Variants in JAKMIP1 observed in about 807,000 individuals in gnomAD.
JAKMIP1 encodes janus kinase and microtubule-interacting protein 1.
JAKMIP1 carries 33 observed loss-of-function variants against 113.0 expected under a neutral mutation model. The observed-to-expected ratio is 0.29, with a 90% CI of 0.22 to 0.39. The LOEUF (loss-of-function observed/expected upper bound fraction) is 0.39, where lower values mean the gene tolerates loss of function less well. Ranked by LOEUF, JAKMIP1 falls within the 10% of genes least tolerant of loss-of-function variation. The probability of loss-of-function intolerance (pLI) is 1.00; values close to 1 mark genes in which losing one functional copy is unlikely to be tolerated. For synonymous variants in JAKMIP1, 480 were observed against 459.9 expected (o/e 1.04, Z -0.56); for missense variants, 813 against 1,080.5 (o/e 0.75, Z 3.47).
Position 6,167,684 on chromosome 4 carries a change from C to A in JAKMIP1, c.-148+32569G>T, listed in dbSNP as rs542834399. ...GCCGGGCACTGAGCTTAGAGTGACA[C>A]GTGTCAGCTCCCTCCACCCCACCAT... On this transcript the variant is annotated intron_variant, in intron 1 of 20. Transcript: ENST00000409021. The surrounding 1 kb of genome is among the most constrained non-coding windows in gnomAD (Gnocchi z 5.3). Among the ~76,000 whole-genome samples, 1 of 152,192 alleles carries A rather than the reference C, an allele frequency of 6.6e-6. No individual in the cohort carries two copies. The highest frequency in any genetic ancestry group is 1.5e-5 in the Non-Finnish European group (1 of 68,028).
At position 6,067,713 on chromosome 4, in the gene JAKMIP1, C is replaced by T. The variant is rs1251302442; in HGVS notation, c.1303-2705G>A. 6.8e-6 allele frequency among the ~76,000 whole-genome samples: 1 copy of T among 148,018 alleles called. No individual in the cohort carries two copies. The highest frequency in any genetic ancestry group is 1.5e-5 in the Non-Finnish European group (1 of 67,212). ...GCTCTTCTGCACACACAGGTCACCC[C>T]CCTGAGCTCCACGTTCACTCAAGCT... On this transcript the variant is annotated intron_variant, in intron 8 of 20. Transcript: ENST00000409021. This position sits in a 1 kb window ranked among gnomAD's most constrained non-coding sequence, Gnocchi z 4.6.
chr4:6,032,660 CACAAAACAAAACAAA>C lies in JAKMIP1; in HGVS notation c.2380-2894_2380-2880del, dbSNP rs10572045. On this transcript the variant is annotated intron_variant, in intron 19 of 20. Coordinates refer to ENST00000409021, the MANE Select transcript of JAKMIP1 (RefSeq NM_001099433.2). Reference sequence around the variant, plus strand: ...GTACACGAATGTTAGAACAACACAACACAAAACAAAACAAAACAAAACAAAACAAAACAAAACAAA... The same window carrying C: ...GTACACGAATGTTAGAACAACACAACACAAAACAAAACAAAACAAAACAAA... Among the ~76,000 whole-genome samples, 611 of 149,334 alleles carry C rather than the reference CACAAAACAAAACAAA, an allele frequency of 4.1e-3. 1 individual carries two copies. Among genetic ancestry groups the C allele is most frequent in the Non-Finnish European group, 7.0e-3 (466 of 66,494 alleles).
At chr4:6,133,728 C>T (rs191170089) in intron 1 of JAKMIP1, among the ~76,000 whole-genome samples, 5 of 152,326 alleles carry the variant, frequency 3.3e-5, no homozygotes, top group South Asian at 4.1e-4. Flanking sequence ...GTGTTCCCCA[C>T]GGTGTCCTTG....
At chr4:6,101,103 C>T (rs1712946471) in intron 3 of JAKMIP1, among the ~76,000 whole-genome samples, 2 of 152,110 alleles carry the variant, frequency 1.3e-5, no homozygotes, top group Non-Finnish European at 2.9e-5. Context: ...GTACTGTGTC[C>T]TGCTTAAGAA....
At position 6,064,781 on chromosome 4, in the gene JAKMIP1, C is replaced by T; in HGVS notation, c.1431+99G>A. ...GGAACTGGTCATCTGGGGTTCAGAA[C>T]TATAGGCAAGGGAGCGAAACTTGCA... On this transcript the variant is annotated intron_variant, in intron 9 of 20. Transcript: ENST00000409021. The surrounding 1 kb of genome is among the most constrained non-coding windows in gnomAD (Gnocchi z 4.3). 6.6e-7 allele frequency: 1 copy of T among 1,511,332 alleles called. No individual in the cohort carries two copies. The highest frequency in any genetic ancestry group is 9.1e-7 in the Non-Finnish European group (1 of 1,100,658). The allele number at this position is 1,511,332 out of a possible 1,614,324, so 93.6% of individuals were successfully genotyped here.
chr4:6,056,809 T>A lies in JAKMIP1; in HGVS notation c.1645-50A>T, dbSNP rs757187431. 4 of 1,275,464 alleles carry A rather than the reference T, an allele frequency of 3.1e-6. No homozygotes were observed. In the Admixed American group the frequency reaches 6.7e-5, roughly 21 times the overall value. The allele number at this position is 1,275,464 out of a possible 1,614,324, so 79.0% of individuals were successfully genotyped here. A position where few individuals can be genotyped will look rare whatever the true frequency, so the allele number is the denominator to read the frequency against. On this transcript the variant is annotated intron_variant, in intron 11 of 20. Transcript: ENST00000409021. Reference sequence around the variant, plus strand: ...CACATTCATGGAAGCAAACAGATGGTCAAGTAACAAACTTTTAGTGAGAAA... The same window carrying A: ...CACATTCATGGAAGCAAACAGATGGACAAGTAACAAACTTTTAGTGAGAAA...
intron 16 of JAKMIP1, among the ~76,000 whole-genome samples, chr4:6,047,249 G>C (rs140598826): frequency 6.6e-6 from 1 of 152,340 alleles, no homozygotes; most frequent in African/African-American, 2.4e-5. Flanking sequence ...ACATCTCCAC[G>C]TCTCCCAGGG....
intron 3 of JAKMIP1, among the ~76,000 whole-genome samples, chr4:6,091,163 G>C (rs893290704): frequency 6.6e-6 from 1 of 152,226 alleles, no homozygotes; most frequent in Non-Finnish European, 1.5e-5. Flanking sequence ...GGGTGAATAG[G>C]AGAAATGAAC....
intron 10 of JAKMIP1, 104 bp from the exon 11 acceptor site, chr4:6,060,611 G>A: frequency 1.2e-6 from 1 of 824,650 alleles, no homozygotes; most frequent in East Asian, 2.4e-5. Flanking sequence ...GTCCTTATAG[G>A]CAAACCTTAG....
chr4:6,170,391 C>A (rs1204763146), intron 1 of JAKMIP1, among the ~76,000 whole-genome samples: 12 of 6,420 alleles, frequency 1.9e-3, no homozygotes, highest in African/African-American at 9.4e-3. Context: ...ACCACCACCA[C>A]TACCTCTATC....
At chr4:6,124,915 G>A (rs527709822) in intron 1 of JAKMIP1, among the ~76,000 whole-genome samples, 1 of 152,296 alleles carries the variant, frequency 6.6e-6, no homozygotes, top group Non-Finnish European at 1.5e-5. Flanking sequence ...CTATCTCCAG[G>A]ACTATGAGGC....
rs1439813205 is a variant in JAKMIP1 at position 6,059,730 on chromosome 4, TTG to T, written c.1644+692_1644+693del. On this transcript the variant is annotated intron_variant, in intron 11 of 20. Transcript: ENST00000409021. The surrounding 1 kb of genome is among the most constrained non-coding windows in gnomAD (Gnocchi z 4.8). Reference sequence around the variant, plus strand: ...AACAGGAGTGTGAACAGAATACACCTTGTCACATGGAGCCAGGGAGACGTTCA... The same window carrying T: ...AACAGGAGTGTGAACAGAATACACCTTCACATGGAGCCAGGGAGACGTTCA... Among the ~76,000 whole-genome samples, 1 of 152,068 alleles carries T rather than the reference TTG, an allele frequency of 6.6e-6. No homozygotes were observed. The highest frequency in any genetic ancestry group is 1.5e-5 in the Non-Finnish European group (1 of 68,022).
chr4:6,097,692 C>G lies in JAKMIP1; in HGVS notation c.624+7781G>C, dbSNP rs1712054340. On this transcript the variant is annotated intron_variant, in intron 3 of 20. Transcript: ENST00000409021. The surrounding 1 kb of genome is among the most constrained non-coding windows in gnomAD (Gnocchi z 4.3). ...AGGATGGGGGAAGCTTTACAGATCA[C>G]TTCCCCATTTTGCAACAAAAAATGC... Among the ~76,000 whole-genome samples the G allele has an allele frequency of 6.6e-6, 1 of 152,192 alleles. No homozygotes were observed. Among genetic ancestry groups the G allele is most frequent in the Non-Finnish European group, 1.5e-5 (1 of 68,030 alleles).
rs980007516 is a variant in JAKMIP1, at chr4:6,067,363, G to C, written c.1303-2355C>G. ...CCATGTGGTTACATGCCCCAGATGA[G>C]TCTCATTGGCAGGTACGTGAAGACT... On this transcript the variant is annotated intron_variant, in intron 8 of 20. Coordinates refer to ENST00000409021, the MANE Select transcript of JAKMIP1 (RefSeq NM_001099433.2). The surrounding 1 kb of genome is among the most constrained non-coding windows in gnomAD (Gnocchi z 4.6). Among the ~76,000 whole-genome samples, 25 of 152,192 alleles carry C rather than the reference G, an allele frequency of 1.6e-4. No homozygotes were observed. Among genetic ancestry groups the C allele is most frequent in the African/African-American group, 6.0e-4 (25 of 41,422 alleles).
chr4:6,055,085 C>G (rs1004803236), intron 12 of JAKMIP1, among the ~76,000 whole-genome samples: 1 of 152,158 alleles, frequency 6.6e-6, no homozygotes, highest in Non-Finnish European at 1.5e-5. Flanking sequence ...TGGTTAGCAG[C>G]AGATTGGGGG....
chr4:6,027,263 A>G (rs531124426), intron 20 of JAKMIP1, among the ~76,000 whole-genome samples: 1 of 152,332 alleles, frequency 6.6e-6, no homozygotes, highest in East Asian at 1.9e-4. Flanking sequence ...CTCCCCCCCA[A>G]AACAAGGTAA....
chr4:6,058,038 A>G (rs917688497), intron 11 of JAKMIP1, among the ~76,000 whole-genome samples: 1 of 152,234 alleles, frequency 6.6e-6, no homozygotes, highest in African/African-American at 2.4e-5. Context: ...GCAACAGCAA[A>G]CTGATTCAGC....
At position 6,073,715 on chromosome 4, in the gene JAKMIP1, T is replaced by C. The variant is rs577467739; in HGVS notation, c.1302+5224A>G. On this transcript the variant is annotated intron_variant, in intron 8 of 20. Coordinates refer to ENST00000409021, the MANE Select transcript of JAKMIP1 (RefSeq NM_001099433.2). ...ATAATGTTCATTTTAAGAATCAAAC[T>C]GAGGTTCTGAGCGTTTAGATGACTT... 9.8e-5 allele frequency among the ~76,000 whole-genome samples: 15 copies of C among 152,370 alleles called. No homozygotes were observed. In the South Asian group the frequency reaches 3.1e-3, roughly 32 times the overall value.
rs1467905711 is a variant in JAKMIP1, at chr4:6,186,108, G to T, written c.-148+14145C>A. On this transcript the variant is annotated intron_variant, in intron 1 of 20. Coordinates refer to ENST00000409021, the MANE Select transcript of JAKMIP1 (RefSeq NM_001099433.2). The surrounding 1 kb of genome is among the most constrained non-coding windows in gnomAD (Gnocchi z 5.5). ...CTACAGGAAGGAGAACGAACAAGTT[G>T]TGGTGAGAATTACACAACTCCTAAG... 6.6e-6 allele frequency among the ~76,000 whole-genome samples: 1 copy of T among 152,132 alleles called. No homozygotes were observed. The highest frequency in any genetic ancestry group is 1.5e-5 in the Non-Finnish European group (1 of 68,016).
Sources: allele counts gnomAD v4.1 joint callset (sites outside exome capture counted in the v4.1 genomes callset), GRCh38; gene constraint gnomAD v4.1.1; non-coding constraint Gnocchi (gnomAD v3.1); transcripts MANE v1.5; gene names NCBI Gene and HGNC (gene_info 2026-07-23, HGNC 2026-07-21).